The following SPOCK2 variants were observed in gnomAD, a reference collection of about 807,000 sequenced individuals.
The protein encoded by SPOCK2 is SPARC (osteonectin), cwcv and kazal like domains proteoglycan 2, also known as testican-2.
A neutral mutation model predicts 60.1 loss-of-function variants in SPOCK2; 39 were observed. The observed-to-expected ratio is 0.65, with a 90% confidence interval of 0.50 to 0.85. SPOCK2 has a LOEUF of 0.85. Ranked by LOEUF, SPOCK2 falls within the 40% of genes least tolerant of loss-of-function variation. SPOCK2 has a pLI of 0.00. For missense variants in SPOCK2, 523 were observed against 567.4 expected (o/e 0.92, Z 0.80); for synonymous variants, 217 against 231.5 (o/e 0.94, Z 0.57).
intron 8 of SPOCK2, among the ~76,000 whole-genome samples, chr10:72,064,445 T>C (rs2242252): frequency 0.63 from 96,281 of 152,046 alleles, 32,056 homozygotes; most frequent in African/African-American, 0.86. Context: ...GGGAGCTCAT[T>C]CCACAGCTGT....
intron 1 of SPOCK2, among the ~76,000 whole-genome samples, chr10:72,073,487 T>C (rs1266060057): frequency 6.6e-6 from 1 of 152,208 alleles, no homozygotes; most frequent in Non-Finnish European, 1.5e-5. Context: ...ATGCCTGTGA[T>C]GAGGCTTGCC....
rs922007306 is a variant in SPOCK2 at position 72,068,039 on chromosome 10, G to T, written c.589+148C>A. 6.3e-6 allele frequency: 6 copies of T among 954,746 alleles called. No homozygotes were observed. In the Admixed American group the frequency reaches 1.5e-4, roughly 23 times the overall value. 59.1% of individuals were successfully genotyped at this position (954,746 alleles called of 1,614,324 possible). A position where few individuals can be genotyped will look rare whatever the true frequency, so the allele number is the denominator to read the frequency against. On this transcript the variant is annotated intron_variant, in intron 6 of 10. Coordinates refer to ENST00000373109, the MANE Select transcript of SPOCK2 (RefSeq NM_001244950.2). ...CGCCTCCTGCTCTGTGTTAATCTGG[G>T]CCTCTGACCTCACAGCTCCCTCAAG... is the stretch of plus-strand genomic sequence containing the variant.
intron 6 of SPOCK2, among the ~76,000 whole-genome samples, 184 bp downstream of exon 6, chr10:72,068,003 G>A (rs1840594921): frequency 6.6e-6 from 1 of 152,186 alleles, no homozygotes; most frequent in African/African-American, 2.4e-5. Flanking sequence ...GAGAAACGAG[G>A]GCTGAGCCCA....
intron 1 of SPOCK2, 66 bp from the exon 2 acceptor site, chr10:72,072,976 G>C: frequency 6.4e-7 from 1 of 1,551,024 alleles, no homozygotes; most frequent in Non-Finnish European, 8.7e-7. Context: ...AGAAAGATGG[G>C]GATATCAGTG....
chr10:72,088,540 G>A lies in SPOCK2; in HGVS notation c.-212C>T, dbSNP rs1840898145. 3 of 548,782 alleles carry A rather than the reference G, an allele frequency of 5.5e-6. No homozygotes were observed. Among genetic ancestry groups the A allele is most frequent in the Middle Eastern group, 4.8e-4 (1 of 2,084 alleles). 34.0% of individuals were successfully genotyped at this position (548,782 alleles called of 1,614,324 possible). On this transcript the variant is annotated 5_prime_UTR_variant, in exon 1 of 11. Transcript: ENST00000373109. ...AAAGCCCAGCACTGGACGCGGAGAG[G>A]GAGAGAGAATCAGAGAGGCTGCGCC...
chr10:72,086,718 G>A, intron 1 of SPOCK2: 3 of 1,380,732 alleles, frequency 2.2e-6, no homozygotes, highest in South Asian at 1.4e-5. Flanking sequence ...CGCGGGGCCC[G>A]GCCACTCAGC....
At chr10:72,080,508 G>A (rs1840768733) in intron 1 of SPOCK2, among the ~76,000 whole-genome samples, 1 of 152,150 alleles carries the variant, frequency 6.6e-6, no homozygotes, top group South Asian at 2.1e-4. Flanking sequence ...GCAAGGTGGG[G>A]CCCAGTGGGG....
chr10:72,079,880 C>T (rs1840760691), intron 1 of SPOCK2, among the ~76,000 whole-genome samples: 1 of 152,090 alleles, frequency 6.6e-6, no homozygotes, highest in Non-Finnish European at 1.5e-5. Context: ...CACTGACTGC[C>T]AGCAAGTGAG....
intron 4 of SPOCK2, among the ~76,000 whole-genome samples, chr10:72,071,882 C>G (rs1437419976): frequency 1.3e-5 from 2 of 152,026 alleles, no homozygotes; most frequent in African/African-American, 4.8e-5. Flanking sequence ...TCCAGCCCGA[C>G]AAGCTTTCAG....
Position 72,062,370 on chromosome 10 carries a change from G to A in SPOCK2, c.*390C>T, listed in dbSNP as rs1312575818. 5.0e-6 allele frequency: 1 copy of A among 200,930 alleles called. No individual in the cohort carries two copies. The highest frequency in any genetic ancestry group is 9.9e-6 in the Non-Finnish European group (1 of 100,886). 12.4% of individuals were successfully genotyped at this position (200,930 alleles called of 1,614,324 possible). A position where few individuals can be genotyped will look rare whatever the true frequency, so the allele number is the denominator to read the frequency against. On this transcript the variant is annotated 3_prime_UTR_variant, in exon 11 of 11. Coordinates refer to ENST00000373109, the MANE Select transcript of SPOCK2 (RefSeq NM_001244950.2). The surrounding 1 kb of genome is among the most constrained non-coding windows in gnomAD (Gnocchi z 4.3). ...GGCTGGGCTGGAGGACACGGCTGGG[G>A]GATCTCATTTCATGGATTTTGACCT...
intron 1 of SPOCK2, among the ~76,000 whole-genome samples, chr10:72,084,249 C>T (rs1355970695): frequency 6.6e-6 from 1 of 152,198 alleles, no homozygotes; most frequent in African/African-American, 2.4e-5. Context: ...TAGTACCTGC[C>T]CTGGAAGCCC....
rs998066148 is a variant in SPOCK2 at position 72,072,126 on chromosome 10, C to T, written c.359+18G>A. On this transcript the variant is annotated intron_variant, in intron 4 of 10. Coordinates refer to ENST00000373109, the MANE Select transcript of SPOCK2 (RefSeq NM_001244950.2). ...GAACACACCCCCTCCAGGGCTCCCACCTCCCCAAACCTCTCACCTGTGCTC... is the reference window on the plus strand; with the variant it reads ...GAACACACCCCCTCCAGGGCTCCCATCTCCCCAAACCTCTCACCTGTGCTC... 3 of 1,470,528 alleles carry T rather than the reference C, an allele frequency of 2.0e-6. No individual in the cohort carries two copies. The highest frequency in any genetic ancestry group is 5.3e-5 in the Admixed American group (2 of 37,458). The allele number at this position is 1,470,528 out of a possible 1,614,324, so 91.1% of individuals were successfully genotyped here. A position where few individuals can be genotyped will look rare whatever the true frequency, so the allele number is the denominator to read the frequency against.
intron 7 of SPOCK2, 59 bp downstream of exon 7, chr10:72,067,554 T>C: frequency 6.2e-7 from 1 of 1,603,460 alleles, no homozygotes; most frequent in South Asian, 1.1e-5. Context: ...CATACACCTG[T>C]GTCCTCAGCC....
At chr10:72,071,195 GT>G (rs895008574) in intron 4 of SPOCK2, among the ~76,000 whole-genome samples, 40 of 144,936 alleles carry the variant, frequency 2.8e-4, no homozygotes, top group South Asian at 4.4e-4. Context: ...GTTTTGTTGT[GT>G]TTTTTTTTTT....
At chr10:72,072,398 G>A in intron 3 of SPOCK2, 105 bp downstream of exon 3, 1 of 1,552,928 alleles carries the variant, frequency 6.4e-7, no homozygotes, top group Non-Finnish European at 8.8e-7. Context: ...ATCCCCACCG[G>A]GGCCTGGCTG....
intron 9 of SPOCK2, 114 bp from the exon 10 acceptor site, chr10:72,063,276 A>G (rs1041480666): frequency 6.9e-7 from 1 of 1,441,568 alleles, no homozygotes; most frequent in Non-Finnish European, 9.2e-7. Context: ...CCCAGAGCCC[A>G]GCCAGACCGG....
intron 1 of SPOCK2, chr10:72,086,374 T>G (rs1840854913): frequency 1.0e-6 from 1 of 1,000,428 alleles, no homozygotes. Context: ...TGGAAGCAGG[T>G]GGAAGAAGGG....
Position 72,061,281 on chromosome 10 carries a change from G to A in SPOCK2, c.*1479C>T, listed in dbSNP as rs1018314890. The A allele has an allele frequency of 2.6e-5, 4 of 152,326 alleles. No individual in the cohort carries two copies. The highest frequency in any genetic ancestry group is 5.9e-5 in the Non-Finnish European group (4 of 68,142). The allele number at this position is 152,326 out of a possible 1,614,324, so 9.4% of individuals were successfully genotyped here. ...TGGGGAACAGCGAGGTGTGAGGTGT[G>A]GCCTCAGAGCCCGGCTGCACCTGTC... On this transcript the variant is annotated 3_prime_UTR_variant, in exon 11 of 11. Coordinates refer to ENST00000373109, the MANE Select transcript of SPOCK2 (RefSeq NM_001244950.2).
Position 72,061,063 on chromosome 10 carries a change from C to T in SPOCK2, c.*1697G>A, listed in dbSNP as rs1341830563. ...GTTCACACACAGGCACACGCACACA[C>T]GCTGCACTCACCACGCACTGAAGGG... On this transcript the variant is annotated 3_prime_UTR_variant, in exon 11 of 11. Transcript: ENST00000373109. 2 of 152,988 alleles carry T rather than the reference C, an allele frequency of 1.3e-5. No homozygotes were observed. Among genetic ancestry groups the T allele is most frequent in the Non-Finnish European group, 2.9e-5 (2 of 68,224 alleles). 9.5% of individuals were successfully genotyped at this position (152,988 alleles called of 1,614,324 possible).
Sources: gnomAD v4.1 joint callset for allele counts (sites outside exome capture counted in the v4.1 genomes callset) on GRCh38, gnomAD v4.1.1 for gene constraint, Gnocchi (gnomAD v3.1) non-coding constraint, MANE v1.5 for transcripts, NCBI Gene and HGNC (gene_info 2026-07-23, HGNC 2026-07-21) for gene names.